The following COL16A1 variants were observed in gnomAD, a reference collection of about 807,000 sequenced individuals.
COL16A1 encodes collagen type XVI alpha 1 chain, also known as collagen alpha-1(XVI) chain.
A neutral mutation model predicts 266.3 loss-of-function variants in COL16A1; 189 were observed. That is an observed-to-expected ratio of 0.71 (90% CI 0.63 to 0.80). The LOEUF is 0.80. Among genes scored for constraint, COL16A1 ranks in the 30% least tolerant of loss-of-function variants. The pLI is 0.00. For synonymous variants in COL16A1, 740 were observed against 782.3 expected, an observed-to-expected ratio of 0.95 and a Z score of 0.90; for missense variants, 1,928 against 2,122.4, an observed-to-expected ratio of 0.91 and a Z score of 1.80.
chr1:31,687,844 G>A (rs1312476843), intron 26 of COL16A1, among the ~76,000 whole-genome samples: 1 of 152,154 alleles, frequency 6.6e-6, no homozygotes, highest in East Asian at 1.9e-4. Flanking sequence ...TTGAGCACTC[G>A]TACACCCACA....
At position 31,697,504 on chromosome 1, in the gene COL16A1, G is replaced by A. The variant is rs1186472466; in HGVS notation, c.658-204C>T. On this transcript the variant is annotated intron_variant, in intron 6 of 70. Transcript: ENST00000373672. This position sits in a 1 kb window ranked among gnomAD's most constrained non-coding sequence, Gnocchi z 4.2. ...GGAACGAGGGAGAGGAGGCCCAGAG[G>A]AACAAAAGAGGAGGAGGTTCCATTC... 1.3e-5 allele frequency among the ~76,000 whole-genome samples: 2 copies of A among 152,194 alleles called. No homozygotes were observed. Among genetic ancestry groups the A allele is most frequent in the African/African-American group, 4.8e-5 (2 of 41,444 alleles).
At chr1:31,653,732 G>A in intron 69 of COL16A1, 56 bp from the exon 70 acceptor site, 2 of 1,584,446 alleles carry the variant, frequency 1.3e-6, no homozygotes, top group East Asian at 2.2e-5. Flanking sequence ...GACACAGCCA[G>A]TCAGATTACT....
chr1:31,653,885 C>T lies in COL16A1; in HGVS notation c.4516G>A (p.Gly1506Ser). Residue 1506 changes from glycine (G) to serine (S), a missense_variant, in exon 69 of 71, where the codon GGC becomes AGC. By Grantham distance (56) the Gly-to-Ser change is moderately conservative. Coordinates refer to ENST00000373672, the MANE Select transcript of COL16A1 (RefSeq NM_001856.4). ...GAGCTACCTCTTACTCCTGGCAAGC[C>T]CTGCCGTCCTTCTCTGCCAATCTGA... Reference protein sequence around the residue: ...PGQIGREGRQGLPGVRGLPGT... With the variant: ...PGQIGREGRQSLPGVRGLPGT... 1 of 1,612,380 alleles carries T rather than the reference C, an allele frequency of 6.2e-7. No individual in the cohort carries two copies. Among genetic ancestry groups the T allele is most frequent in the South Asian group, 1.1e-5 (1 of 90,992 alleles).
Position 31,656,926 on chromosome 1 carries a change from GC to G in COL16A1, c.4056+106del, listed in dbSNP as rs1408073457. On this transcript the variant is annotated intron_variant, in intron 65 of 70. Transcript: ENST00000373672. The surrounding 1 kb of genome is among the most constrained non-coding windows in gnomAD (Gnocchi z 4.2). The stretch of plus-strand genomic sequence containing the variant: ...ACAGGGTTAACAATTTCCAGAGACA[GC>G]CCGTACATAGAAGGAATGTTTACTG... 1 of 1,484,360 alleles carries G rather than the reference GC, an allele frequency of 6.7e-7. No homozygotes were observed. The highest frequency in any genetic ancestry group is 1.4e-5 in the African/African-American group (1 of 72,192). 91.9% of individuals were successfully genotyped at this position (1,484,360 alleles called of 1,614,324 possible). A position where few individuals can be genotyped will look rare whatever the true frequency, so the allele number is the denominator to read the frequency against.
At position 31,688,563 on chromosome 1, in the gene COL16A1, C is replaced by G; in HGVS notation, c.1768-61G>C. 6.2e-7 allele frequency: 1 copy of G among 1,606,082 alleles called. No individual in the cohort carries two copies. The highest frequency in any genetic ancestry group is 1.1e-5 in the South Asian group (1 of 90,886). On this transcript the variant is annotated intron_variant, in intron 25 of 70. Transcript: ENST00000373672. This position sits in a 1 kb window ranked among gnomAD's most constrained non-coding sequence, Gnocchi z 4.9. Reference sequence around the variant, plus strand: ...CCACTCCCACCTCTCCAAGGCTCCCCGGGTCCCAGTGTCCAACCAGAAACA... The same window carrying G: ...CCACTCCCACCTCTCCAAGGCTCCCGGGGTCCCAGTGTCCAACCAGAAACA...
chr1:31,691,646 TG>T lies in COL16A1; in HGVS notation c.1258-5del, dbSNP rs755937798. On this transcript the variant is annotated splice_region_variant and splice_polypyrimidine_tract_variant and intron_variant, in intron 17 of 70. Transcript: ENST00000373672. ...CACAGATCTCTCCTGGCCGGCCCTG[TG>T]GGGGGATAAGGGGGAGGGTGTACAA... 5.6e-5 allele frequency: 91 copies of T among 1,612,964 alleles called. No homozygotes were observed. Among genetic ancestry groups the T allele is most frequent in the Non-Finnish European group, 7.3e-5 (86 of 1,179,712 alleles).
At chr1:31,679,557 G>C in intron 42 of COL16A1, 75 bp downstream of exon 42, 1 of 1,614,052 alleles carries the variant, frequency 6.2e-7, no homozygotes, top group Non-Finnish European at 8.5e-7. Context: ...AGCATCCTTG[G>C]GGTCCAGCCG....
chr1:31,661,330 C>T (rs1217405802), intron 60 of COL16A1, 84 bp downstream of exon 60: 5 of 1,605,708 alleles, frequency 3.1e-6, no homozygotes, highest in Non-Finnish European at 4.3e-6. Context: ...GCCTCTCTGC[C>T]CAGGATAGGC....
At position 31,662,678 on chromosome 1, in the gene COL16A1, C is replaced by CG. The variant is rs1641792804; in HGVS notation, c.3556-21_3556-20insC. On this transcript the variant is annotated intron_variant, in intron 56 of 70. Coordinates refer to ENST00000373672, the MANE Select transcript of COL16A1 (RefSeq NM_001856.4). ...GCTGCCCTGGAAACCAGCGCCGCCC[C>CG]CCCCCCCCGCCCCACAATAAAGTCA... The CG allele has an allele frequency of 3.5e-6, 4 of 1,146,672 alleles. No homozygotes were observed. The highest frequency in any genetic ancestry group is 4.9e-6 in the Non-Finnish European group (4 of 811,210). 71.0% of individuals were successfully genotyped at this position (1,146,672 alleles called of 1,614,324 possible).
At position 31,668,677 on chromosome 1, in the gene COL16A1, C is replaced by G; in HGVS notation, c.3249+125G>C. 1 of 1,034,182 alleles carries G rather than the reference C, an allele frequency of 9.7e-7. No individual in the cohort carries two copies. The highest frequency in any genetic ancestry group is 2.5e-5 in the East Asian group (1 of 40,754). The allele number at this position is 1,034,182 out of a possible 1,614,324, so 64.1% of individuals were successfully genotyped here. ...CACTGAGGGAATCCCGGCAGAAGGG[C>G]AGAGAGTCTCAAGGAGTCCACCTCC... On this transcript the variant is annotated intron_variant, in intron 50 of 70. Coordinates refer to ENST00000373672, the MANE Select transcript of COL16A1 (RefSeq NM_001856.4). The surrounding 1 kb of genome is among the most constrained non-coding windows in gnomAD (Gnocchi z 5.8).
At chr1:31,679,454 C>T (rs1410127659) in intron 42 of COL16A1, 178 bp downstream of exon 42, 7 of 1,604,394 alleles carry the variant, frequency 4.4e-6, no homozygotes, top group Non-Finnish European at 6.0e-6. Context: ...CAGAGCCTGG[C>T]CTAGAGGCTC....
At position 31,700,170 on chromosome 1, in the gene COL16A1, C is replaced by T. The variant is rs375604132; in HGVS notation, c.74-55G>A. 1.0e-3 allele frequency: 1,593 copies of T among 1,558,084 alleles called. 6 individuals carry two copies. The highest frequency in any genetic ancestry group is 2.0e-3 in the Admixed American group (117 of 59,760). On this transcript the variant is annotated intron_variant, in intron 2 of 70. Coordinates refer to ENST00000373672, the MANE Select transcript of COL16A1 (RefSeq NM_001856.4). Reference sequence around the variant, plus strand: ...GTGCGCTCAGGCCAAGGTTGCTGCACGGCTGGACGCCTGGGGAACCTGGGA... The same window carrying T: ...GTGCGCTCAGGCCAAGGTTGCTGCATGGCTGGACGCCTGGGGAACCTGGGA...
At chr1:31,673,012 C>CG in intron 44 of COL16A1, 172 bp from the exon 45 acceptor site, 1 of 702,022 alleles carries the variant, frequency 1.4e-6, no homozygotes, top group Non-Finnish European at 2.6e-6. Context: ...GCTCCATCCT[C>CG]GGGGGACCCA....
intron 64 of COL16A1, 129 bp downstream of exon 64, chr1:31,658,359 C>CGCTGCCATCCTGCCAT: frequency 1.2e-6 from 1 of 820,984 alleles, no homozygotes; most frequent in Non-Finnish European, 2.0e-6. Flanking sequence ...CCGAACGCCA[C>CGCTGCCATCCTGCCAT]GCTGCCATCC....
chr1:31,658,347 G>A, intron 64 of COL16A1, 141 bp downstream of exon 64: 1 of 746,340 alleles, frequency 1.3e-6, no homozygotes, highest in Non-Finnish European at 2.3e-6. Flanking sequence ...TGATCCTCAG[G>A]CCCGAACGCC....
intron 12 of COL16A1, among the ~76,000 whole-genome samples, chr1:31,693,542 A>G (rs1644370436): frequency 6.6e-6 from 1 of 152,102 alleles, no homozygotes; most frequent in African/African-American, 2.4e-5. Context: ...CAAATCCTGT[A>G]CTTGCTAGCA....
Position 31,656,475 on chromosome 1 carries a change from C to G in COL16A1, c.4057-31G>C, listed in dbSNP as rs949020443. On this transcript the variant is annotated intron_variant, in intron 65 of 70. Transcript: ENST00000373672. The surrounding 1 kb of genome is among the most constrained non-coding windows in gnomAD (Gnocchi z 4.2). ...GGAAAGCAAAAGTCAGAGGTGAAGTCCGGGCAGCATCTCTGAGGCTCCCTG... is the reference window on the plus strand; with the variant it reads ...GGAAAGCAAAAGTCAGAGGTGAAGTGCGGGCAGCATCTCTGAGGCTCCCTG... 5.6e-6 allele frequency: 9 copies of G among 1,609,114 alleles called. No homozygotes were observed. Among genetic ancestry groups the G allele is most frequent in the African/African-American group, 1.3e-5 (1 of 74,934 alleles).
chr1:31,660,535 G>A (rs1248109224), intron 62 of COL16A1, 50 bp downstream of exon 62: 13 of 1,603,544 alleles, frequency 8.1e-6, no homozygotes, highest in Admixed American at 3.4e-5. Context: ...CAACCACCCC[G>A]CCAAAATGCT....
chr1:31,665,755 G>A, intron 54 of COL16A1, 127 bp downstream of exon 54: 1 of 1,595,044 alleles, frequency 6.3e-7, no homozygotes, highest in Non-Finnish European at 8.6e-7. Flanking sequence ...TGGCTGGCAG[G>A]TGAGGCTCTG....
Sources: gnomAD v4.1 joint callset for allele counts (sites outside exome capture counted in the v4.1 genomes callset) on GRCh38, gnomAD v4.1.1 for gene constraint, Gnocchi (gnomAD v3.1) non-coding constraint, MANE v1.5 for transcripts, NCBI Gene and HGNC (gene_info 2026-07-23, HGNC 2026-07-21) for gene names.